The following DCAF6 variants were observed in gnomAD, a reference collection of about 807,000 sequenced individuals.
DCAF6 encodes the protein DDB1- and CUL4-associated factor 6.
A neutral mutation model predicts 125.1 loss-of-function variants in DCAF6; 54 were observed. That is an observed-to-expected ratio of 0.43 (90% confidence interval 0.35 to 0.54). The LOEUF is 0.54. DCAF6 is among the 20% of genes least tolerant of loss of function. DCAF6 has a pLI of 0.01. For synonymous variants in DCAF6, 371 were observed against 390.4 expected, an observed-to-expected ratio of 0.95 and a Z score of 0.58; for missense variants, 934 against 1,161.7, an observed-to-expected ratio of 0.80 and a Z score of 2.85.
the DCAF6 span, among the ~76,000 whole-genome samples, chr1:167,868,194 T>C: frequency 0.095 from 14,448 of 152,180 alleles, 1,724 homozygotes; most frequent in East Asian, 0.27. Flanking sequence ...GCCGAGCATG[T>C]AGCCCAGTCT....
intron 4 of DCAF6, among the ~76,000 whole-genome samples, chr1:167,982,423 A>G (rs1205009701): frequency 6.6e-6 from 1 of 151,956 alleles, no homozygotes; most frequent in African/African-American, 2.4e-5. Context: ...TTTTATTTCT[A>G]GTAGAGATGG....
chr1:167,925,480 T>TAC, the DCAF6 span, among the ~76,000 whole-genome samples: 537 of 134,838 alleles, frequency 4.0e-3, 4 homozygotes, highest in African/African-American at 0.014. Context: ...TATATACATA[T>TAC]ACATATACAC....
At chr1:167,887,127 A>C in the DCAF6 span, among the ~76,000 whole-genome samples, 2 of 152,184 alleles carry the variant, frequency 1.3e-5, no homozygotes, top group Non-Finnish European at 1.5e-5. Context: ...CCATTGTGGA[A>C]GACAGTGTGG....
chr1:167,980,458 A>G (rs566828864), intron 4 of DCAF6, among the ~76,000 whole-genome samples: 3 of 152,226 alleles, frequency 2.0e-5, no homozygotes, highest in Admixed American at 2.0e-4. Context: ...AAGGGTGCCA[A>G]CTTCTCCATT....
At chr1:168,029,262 G>C (rs1012166015) in intron 12 of DCAF6, among the ~76,000 whole-genome samples, 5 of 152,118 alleles carry the variant, frequency 3.3e-5, no homozygotes, top group Non-Finnish European at 5.9e-5. Flanking sequence ...AATTTAACAT[G>C]CATCATCTAA....
At chr1:168,003,317 C>T (rs1682895439) in intron 8 of DCAF6, among the ~76,000 whole-genome samples, 2 of 152,048 alleles carry the variant, frequency 1.3e-5, no homozygotes, top group African/African-American at 4.8e-5. Context: ...AACTTGTTTA[C>T]TTGCAGGAGG....
At chr1:168,058,098 CTT>C (rs1366114287) in intron 17 of DCAF6, among the ~76,000 whole-genome samples, 1 of 152,048 alleles carries the variant, frequency 6.6e-6, no homozygotes, top group African/African-American at 2.4e-5. Flanking sequence ...GACTGGGACT[CTT>C]TTTTTTCCTC....
the DCAF6 span, chr1:167,878,355 G>T: frequency 2.1e-6 from 3 of 1,433,484 alleles, no homozygotes; most frequent in Non-Finnish European, 2.9e-6. Context: ...TTTTGAACTG[G>T]CTCCAAATCT....
chr1:167,990,823 T>G (rs1046031650), intron 5 of DCAF6, among the ~76,000 whole-genome samples: 2 of 152,218 alleles, frequency 1.3e-5, no homozygotes, highest in Non-Finnish European at 2.9e-5. Context: ...TTTAAAAATC[T>G]GTATTTTAAT....
At chr1:167,892,713 C>G in the DCAF6 span, among the ~76,000 whole-genome samples, 1 of 152,258 alleles carries the variant, frequency 6.6e-6, no homozygotes, top group African/African-American at 2.4e-5. Context: ...TGATACCTCT[C>G]CAATTCACTC....
chr1:167,993,066 A>G (rs995929968), intron 6 of DCAF6, among the ~76,000 whole-genome samples, 160 bp from the exon 7 acceptor site: 1 of 152,204 alleles, frequency 6.6e-6, no homozygotes, highest in Non-Finnish European at 1.5e-5. Context: ...TTTGTTACAA[A>G]ATCTGACTGC....
the DCAF6 span, among the ~76,000 whole-genome samples, chr1:167,865,099 A>G: frequency 6.6e-6 from 1 of 152,196 alleles, no homozygotes; most frequent in Admixed American, 6.5e-5. Context: ...AATATTGTAT[A>G]ATTTGAAAGT....
intron 17 of DCAF6, among the ~76,000 whole-genome samples, chr1:168,054,273 A>G (rs1478647467): frequency 1.3e-5 from 2 of 152,212 alleles, no homozygotes; most frequent in African/African-American, 4.8e-5. Context: ...CAATGGTACA[A>G]GCCTTCTTGC....
intron 12 of DCAF6, among the ~76,000 whole-genome samples, chr1:168,031,475 T>C (rs1325879696): frequency 6.6e-6 from 1 of 151,736 alleles, no homozygotes; most frequent in Non-Finnish European, 1.5e-5. Context: ...TTCACTAGAG[T>C]GATAGAGACA....
At chr1:167,928,209 G>GAAAAAATACAAAAAAT in the DCAF6 span, among the ~76,000 whole-genome samples, 1 of 151,882 alleles carries the variant, frequency 6.6e-6, no homozygotes, top group Non-Finnish European at 1.5e-5. Context: ...TTAGCTGCGC[G>GAAAAAATACAAAAAAT]TGGTGGCAGG....
chr1:167,970,343 A>C (rs1357409795), intron 3 of DCAF6, among the ~76,000 whole-genome samples: 1 of 152,124 alleles, frequency 6.6e-6, no homozygotes, highest in African/African-American at 2.4e-5. Context: ...GATTAGTCAG[A>C]TTTTCTTTTT....
At chr1:167,884,353 T>C in the DCAF6 span, among the ~76,000 whole-genome samples, 1 of 152,056 alleles carries the variant, frequency 6.6e-6, no homozygotes, top group Non-Finnish European at 1.5e-5. Flanking sequence ...TACACACTTT[T>C]AAACAATCAG....
chr1:167,889,797 T>C, the DCAF6 span, among the ~76,000 whole-genome samples: 7 of 152,224 alleles, frequency 4.6e-5, no homozygotes, highest in Non-Finnish European at 8.8e-5. Flanking sequence ...ATACATTTCT[T>C]CTAGATTTTC....
chr1:167,906,899 GC>G, the DCAF6 span, among the ~76,000 whole-genome samples: 2 of 152,154 alleles, frequency 1.3e-5, no homozygotes, highest in Non-Finnish European at 2.9e-5. Context: ...ATTTTTAAAG[GC>G]TTTGTTGAAA....
Sources: gnomAD v4.1 joint callset for allele counts (sites outside exome capture counted in the v4.1 genomes callset) on GRCh38, gnomAD v4.1.1 for gene constraint, MANE v1.5 for transcripts, NCBI Gene and HGNC (gene_info 2026-07-23, HGNC 2026-07-21) for gene names.